The following DNAAF11 variants were observed in gnomAD, a reference collection of about 807,000 sequenced individuals.
The protein encoded by DNAAF11 is leucine rich repeat containing 6.
DNAAF11 carries 45 observed loss-of-function variants against 60.8 expected under a neutral mutation model. That is an observed-to-expected ratio of 0.74 (90% CI 0.58 to 0.95). DNAAF11 has a LOEUF of 0.95. DNAAF11 is among the 40% of genes least tolerant of loss of function. The pLI is 0.00. For missense variants in DNAAF11, 546 were observed against 546.2 expected, an observed-to-expected ratio of 1.00 and a Z score of 0.00; for synonymous variants, 191 against 183.5, an observed-to-expected ratio of 1.04 and a Z score of -0.33.
chr8:132,624,574 T>C (rs1820065666), intron 6 of DNAAF11, among the ~76,000 whole-genome samples: 1 of 152,204 alleles, frequency 6.6e-6, no homozygotes, highest in Admixed American at 6.5e-5. Context: ...AGGAGAGATA[T>C]TGTGTTTTGT....
At chr8:132,644,784 G>T (rs1253240284) in intron 3 of DNAAF11, among the ~76,000 whole-genome samples, 1 of 152,204 alleles carries the variant, frequency 6.6e-6, no homozygotes, top group Non-Finnish European at 1.5e-5. Flanking sequence ...AAGGCTGGGG[G>T]AGGGACGTCC....
At chr8:132,577,921 C>A (rs1814923936) in intron 11 of DNAAF11, among the ~76,000 whole-genome samples, 1 of 152,062 alleles carries the variant, frequency 6.6e-6, no homozygotes, top group Non-Finnish European at 1.5e-5. Context: ...CCTGCCTCAG[C>A]CTCCCAAAGT....
chr8:132,671,927 A>AT lies in DNAAF11; in HGVS notation c.10+3556_10+3557insA, dbSNP rs1245973883. ...AAAAATTATAAAATTTCTAGGAAAA[A>AT]AAAGAGAAAAATCTATGTAAACTTA... On this transcript the variant is annotated intron_variant, in intron 1 of 11. Transcript: ENST00000620350. Among the ~76,000 whole-genome samples, 3 of 152,154 alleles carry AT rather than the reference A, an allele frequency of 2.0e-5. No individual in the cohort carries two copies. In the East Asian group the frequency reaches 5.8e-4, roughly 29 times the overall value.
chr8:132,693,019 C>T, the DNAAF11 span, among the ~76,000 whole-genome samples: 2 of 152,196 alleles, frequency 1.3e-5, no homozygotes, highest in African/African-American at 4.8e-5. Context: ...AACTCTAGGA[C>T]AGAACCACAT....
chr8:132,632,928 C>T lies in DNAAF11; in HGVS notation c.465G>A (p.Arg155=). Residue 155 remains arginine, a synonymous_variant, in exon 5 of 12, where the codon AGG becomes AGA. Coordinates refer to ENST00000620350, the MANE Select transcript of DNAAF11 (RefSeq NM_012472.6). ...CTGAATAGTCCTGCAATGCCTTAATCCTTTCTGAAGGCTCTATTTCTTTAC... is the reference window on the plus strand; with the variant it reads ...CTGAATAGTCCTGCAATGCCTTAATTCTTTCTGAAGGCTCTATTTCTTTAC... ...LDGKEIEPSE[R]IKALQDYSVI... 3.1e-6 allele frequency: 5 copies of T among 1,613,266 alleles called. No individual in the cohort carries two copies. Among genetic ancestry groups the T allele is most frequent in the Non-Finnish European group, 4.2e-6 (5 of 1,179,456 alleles).
chr8:132,678,137 G>C (rs79030332), upstream of DNAAF11, among the ~76,000 whole-genome samples: 30 of 152,232 alleles, frequency 2.0e-4, no homozygotes, highest in East Asian at 5.8e-3. Flanking sequence ...CTGAGGAATG[G>C]GAGCACCCTT....
At chr8:132,598,505 T>A (rs891226141) in intron 10 of DNAAF11, among the ~76,000 whole-genome samples, 1 of 152,218 alleles carries the variant, frequency 6.6e-6, no homozygotes, top group Non-Finnish European at 1.5e-5. Context: ...TGTAGATATA[T>A]GAATGTAGGT....
At chr8:132,594,343 G>A (rs1816771481) in intron 10 of DNAAF11, among the ~76,000 whole-genome samples, 1 of 152,120 alleles carries the variant, frequency 6.6e-6, no homozygotes, top group South Asian at 2.1e-4. Context: ...TCAATACTGT[G>A]ATCAAATAAA....
intron 10 of DNAAF11, among the ~76,000 whole-genome samples, chr8:132,594,087 A>C (rs1052666229): frequency 6.6e-6 from 1 of 152,314 alleles, no homozygotes; most frequent in African/African-American, 2.4e-5. Flanking sequence ...AAGCAGAATA[A>C]AATAATAAGC....
chr8:132,642,743 G>A (rs989481101), intron 3 of DNAAF11, among the ~76,000 whole-genome samples: 4 of 152,188 alleles, frequency 2.6e-5, no homozygotes, highest in African/African-American at 4.8e-5. Flanking sequence ...GGCTGCTTCC[G>A]GAATCTATCT....
Position 132,675,530 on chromosome 8 carries a change from C to T in DNAAF11, c.-37G>A. The T allele has an allele frequency of 1.3e-6, 2 of 1,556,264 alleles. No individual in the cohort carries two copies. Among genetic ancestry groups the T allele is most frequent in the Admixed American group, 1.8e-5 (1 of 54,628 alleles). ...AGTTCGCTGACCCCGCAAGCCGGAC[C>T]CGGACCTCGAATGACGCTTTTCACC... On this transcript the variant is annotated 5_prime_UTR_variant, in exon 1 of 12. Transcript: ENST00000620350.
chr8:132,695,907 A>G, the DNAAF11 span, among the ~76,000 whole-genome samples: 1 of 152,224 alleles, frequency 6.6e-6, no homozygotes. Context: ...CTGAATAAGA[A>G]CACAAAGGAA....
chr8:132,583,192 T>A (rs1815513857), intron 11 of DNAAF11, among the ~76,000 whole-genome samples: 1 of 152,070 alleles, frequency 6.6e-6, no homozygotes, highest in Non-Finnish European at 1.5e-5. Flanking sequence ...CTAGTACCCC[T>A]GAGAGTTGAG....
intron 5 of DNAAF11, among the ~76,000 whole-genome samples, chr8:132,628,256 A>G (rs1372849892): frequency 1.3e-5 from 2 of 152,100 alleles, no homozygotes; most frequent in African/African-American, 4.8e-5. Context: ...CACTAAAGAT[A>G]CAAAAATTAC....
At chr8:132,659,201 C>T (rs1035855507) in intron 2 of DNAAF11, among the ~76,000 whole-genome samples, 5 of 152,180 alleles carry the variant, frequency 3.3e-5, no homozygotes, top group African/African-American at 9.7e-5. Flanking sequence ...TGCCTTCCTC[C>T]GCAGACCATC....
chr8:132,637,832 T>C (rs1821450614), intron 4 of DNAAF11, 103 bp downstream of exon 4: 6 of 950,988 alleles, frequency 6.3e-6, no homozygotes, highest in Admixed American at 2.5e-5. Flanking sequence ...AATATTCCAT[T>C]ATCTGAAGCA....
intron 1 of DNAAF11, among the ~76,000 whole-genome samples, chr8:132,674,142 G>GAGGAGGAGA (rs1825497579): frequency 8.3e-6 from 1 of 120,922 alleles, no homozygotes; most frequent in African/African-American, 3.3e-5. Flanking sequence ...GGAGAAGGAG[G>GAGGAGGAGA]AGGAAGAGGA....
Position 132,645,444 on chromosome 8 carries a change from C to T in DNAAF11, c.257-7337G>A, listed in dbSNP as rs183407973. 8.7e-4 allele frequency among the ~76,000 whole-genome samples: 132 copies of T among 152,276 alleles called. 4 individuals carry two copies. Among genetic ancestry groups the T allele is most frequent in the African/African-American group, 3.0e-3 (125 of 41,564 alleles). ...GAGCGCCTCTTCTCCTCCAAAGGAACGCAGCTCCTCGCCAGCAACGGAACA... is the reference window on the plus strand; with the variant it reads ...GAGCGCCTCTTCTCCTCCAAAGGAATGCAGCTCCTCGCCAGCAACGGAACA... On this transcript the variant is annotated intron_variant, in intron 3 of 11. Transcript: ENST00000620350.
intron 1 of DNAAF11, 73 bp downstream of exon 1, chr8:132,675,411 C>T: frequency 2.7e-6 from 4 of 1,486,744 alleles, no homozygotes; most frequent in Middle Eastern, 3.6e-4. Flanking sequence ...GAGCGGGCGG[C>T]GAGGATCCCA....
Sources: gnomAD v4.1 joint callset for allele counts (sites outside exome capture counted in the v4.1 genomes callset) on GRCh38, gnomAD v4.1.1 for gene constraint, MANE v1.5 for transcripts, NCBI Gene and HGNC (gene_info 2026-07-23, HGNC 2026-07-21) for gene names.